The following KCNJ6 variants were observed in gnomAD, a reference collection of about 807,000 sequenced individuals.
KCNJ6 encodes the protein G protein-activated inward rectifier potassium channel 2.
In KCNJ6, 9 loss-of-function variants were observed where a neutral mutation model predicts 34.2. The ratio of observed to expected loss-of-function variants is 0.26; its 90% confidence interval spans 0.16 to 0.46. The LOEUF (loss-of-function observed/expected upper bound fraction) is 0.46. KCNJ6 is among the 20% of genes least tolerant of loss of function. The pLI is 1.00. For synonymous variants in KCNJ6, 196 were observed against 207.1 expected, an observed-to-expected ratio of 0.95 and a Z score of 0.46; for missense variants, 236 against 531.3, an observed-to-expected ratio of 0.44 and a Z score of 5.46.
At chr21:37,645,326 C>T (rs976071836) in intron 3 of KCNJ6, among the ~76,000 whole-genome samples, 1 of 152,174 alleles carries the variant, frequency 6.6e-6, no homozygotes, top group Non-Finnish European at 1.5e-5. Flanking sequence ...GATTGCACTA[C>T]TGCACTCCAG....
chr21:37,636,522 C>T (rs2054358841), intron 3 of KCNJ6, among the ~76,000 whole-genome samples: 1 of 152,236 alleles, frequency 6.6e-6, no homozygotes, highest in South Asian at 2.1e-4. Flanking sequence ...CAGGGACATG[C>T]ATGCAAACAA....
intron 3 of KCNJ6, among the ~76,000 whole-genome samples, chr21:37,686,421 A>G (rs1489372015): frequency 2.1e-5 from 3 of 142,666 alleles, no homozygotes; most frequent in African/African-American, 7.8e-5. Context: ...TGGTGTTTAT[A>G]GTTTGCAACC....
At chr21:37,687,691 T>C (rs2054621787) in intron 3 of KCNJ6, among the ~76,000 whole-genome samples, 1 of 152,250 alleles carries the variant, frequency 6.6e-6, no homozygotes, top group Non-Finnish European at 1.5e-5. Flanking sequence ...TGGTCTCCTC[T>C]GGTCTGGGAG....
chr21:37,839,302 A>G (rs1279129905), intron 2 of KCNJ6, among the ~76,000 whole-genome samples: 1 of 152,192 alleles, frequency 6.6e-6, no homozygotes, highest in African/African-American at 2.4e-5. Flanking sequence ...GAGGGGTGTC[A>G]GTGCTGAAGG....
chr21:37,735,254 G>A (rs2054906914), intron 2 of KCNJ6, among the ~76,000 whole-genome samples: 1 of 152,178 alleles, frequency 6.6e-6, no homozygotes, highest in South Asian at 2.1e-4. Flanking sequence ...GCTAGACTCA[G>A]AGGGTAAGAT....
intron 2 of KCNJ6, among the ~76,000 whole-genome samples, chr21:37,716,114 T>C (rs1024755328): frequency 1.3e-5 from 2 of 152,232 alleles, no homozygotes; most frequent in African/African-American, 4.8e-5. Context: ...CTTGTCACTT[T>C]CCTTATGTTT....
chr21:37,831,192 A>G (rs1028628700), intron 2 of KCNJ6, among the ~76,000 whole-genome samples: 1 of 152,226 alleles, frequency 6.6e-6, no homozygotes, highest in Non-Finnish European at 1.5e-5. Context: ...TTGAGTTTAA[A>G]AGATATTTTC....
At chr21:37,638,963 G>A (rs1277708886) in intron 3 of KCNJ6, among the ~76,000 whole-genome samples, 1 of 152,226 alleles carries the variant, frequency 6.6e-6, no homozygotes, top group Non-Finnish European at 1.5e-5. Flanking sequence ...AATTGCTTAT[G>A]CAAGACTCAG....
intron 1 of KCNJ6, among the ~76,000 whole-genome samples, chr21:37,855,441 G>A (rs1415387085): frequency 6.6e-6 from 1 of 152,110 alleles, no homozygotes; most frequent in African/African-American, 2.4e-5. Context: ...GACTGTTCTT[G>A]GAACCTTTCT....
chr21:37,695,102 G>C lies in KCNJ6; in HGVS notation c.946+19109C>G, dbSNP rs1253122786. ...AGCCAATTTCAGGGGTGGTGCTATGGAGAGAGTAGCCCCTAGGGTAGGGAC... is the reference window on the plus strand; with the variant it reads ...AGCCAATTTCAGGGGTGGTGCTATGCAGAGAGTAGCCCCTAGGGTAGGGAC... On this transcript the variant is annotated intron_variant, in intron 3 of 3. Transcript: ENST00000609713. This position sits in a 1 kb window ranked among gnomAD's most constrained non-coding sequence, Gnocchi z 4.2. 6.6e-6 allele frequency among the ~76,000 whole-genome samples: 1 copy of C among 152,222 alleles called. No individual in the cohort carries two copies. Among genetic ancestry groups the C allele is most frequent in the African/African-American group, 2.4e-5 (1 of 41,462 alleles).
chr21:37,699,695 T>C (rs543153630), intron 3 of KCNJ6, among the ~76,000 whole-genome samples: 83 of 152,318 alleles, frequency 5.4e-4, no homozygotes, highest in Non-Finnish European at 1.0e-3. Flanking sequence ...CACAGGGATA[T>C]TCCTAGTTGG....
chr21:37,716,189 C>T (rs2054789680), intron 2 of KCNJ6, among the ~76,000 whole-genome samples: 1 of 152,070 alleles, frequency 6.6e-6, no homozygotes, highest in African/African-American at 2.4e-5. Flanking sequence ...AAAAACATTT[C>T]TGGTTTTTGT....
intron 2 of KCNJ6, among the ~76,000 whole-genome samples, chr21:37,733,281 T>C (rs2054895458): frequency 6.6e-6 from 1 of 152,242 alleles, no homozygotes; most frequent in Admixed American, 6.5e-5. Flanking sequence ...AGGCCTATGT[T>C]TTGCACTTCA....
intron 2 of KCNJ6, among the ~76,000 whole-genome samples, chr21:37,717,418 G>A (rs868326457): frequency 2.6e-5 from 4 of 151,978 alleles, no homozygotes; most frequent in African/African-American, 7.2e-5. Context: ...CCTTCTCACT[G>A]GAGATGGGGT....
chr21:37,801,394 C>T (rs1444279912), intron 2 of KCNJ6, among the ~76,000 whole-genome samples: 1 of 152,196 alleles, frequency 6.6e-6, no homozygotes, highest in Non-Finnish European at 1.5e-5. Flanking sequence ...TCAAGCAGCA[C>T]TTCTGGGACG....
chr21:37,757,403 T>C (rs191557395), intron 2 of KCNJ6, among the ~76,000 whole-genome samples: 4 of 106,624 alleles, frequency 3.8e-5, no homozygotes, highest in Admixed American at 9.3e-5. Flanking sequence ...TCCCTCACAG[T>C]GTGATGATTC....
At chr21:37,801,533 T>C (rs2055269273) in intron 2 of KCNJ6, among the ~76,000 whole-genome samples, 1 of 152,194 alleles carries the variant, frequency 6.6e-6, no homozygotes, top group Non-Finnish European at 1.5e-5. Context: ...GGGCATGGGC[T>C]CACCACCCTC....
At chr21:37,686,911 A>G (rs763931383) in intron 3 of KCNJ6, among the ~76,000 whole-genome samples, 21 of 151,552 alleles carry the variant, frequency 1.4e-4, no homozygotes, top group Non-Finnish European at 2.7e-4. Flanking sequence ...GAGGGTGGGC[A>G]GAGGTGGGGT....
chr21:37,730,828 G>T (rs1426722179), intron 2 of KCNJ6, among the ~76,000 whole-genome samples: 1 of 152,194 alleles, frequency 6.6e-6, no homozygotes, highest in Non-Finnish European at 1.5e-5. Flanking sequence ...AAAGGAGGTG[G>T]GAAATTATTG....
Sources: allele counts gnomAD v4.1 joint callset (sites outside exome capture counted in the v4.1 genomes callset), GRCh38; gene constraint gnomAD v4.1.1; non-coding constraint Gnocchi (gnomAD v3.1); transcripts MANE v1.5; gene names NCBI Gene and HGNC (gene_info 2026-07-23, HGNC 2026-07-21).